The following WWC2 variants were observed in gnomAD, a reference collection of about 807,000 sequenced individuals.
The protein encoded by WWC2 is protein WWC2.
A neutral mutation model predicts 138.5 loss-of-function variants in WWC2; 101 were observed. The ratio of observed to expected loss-of-function variants is 0.73; its 90% confidence interval spans 0.62 to 0.86. WWC2 has a LOEUF of 0.86. WWC2 is among the 40% of genes least tolerant of loss of function. WWC2 has a pLI of 0.00. For missense variants in WWC2, 1,420 were observed against 1,419.4 expected (o/e 1.00, Z -0.01); for synonymous variants, 558 against 538.4 (o/e 1.04, Z -0.50).
intron 1 of WWC2, among the ~76,000 whole-genome samples, chr4:183,143,428 A>C (rs74689827): frequency 0.013 from 2,040 of 152,330 alleles, 43 homozygotes; most frequent in African/African-American, 0.045. Flanking sequence ...TGTCCTGTTA[A>C]GTATAGATGA....
At chr4:183,181,878 A>C (rs555020407) in intron 1 of WWC2, among the ~76,000 whole-genome samples, 1 of 152,302 alleles carries the variant, frequency 6.6e-6, no homozygotes, top group East Asian at 1.9e-4. Flanking sequence ...CTTTAATAAC[A>C]GTTCATCCTG....
chr4:183,208,186 G>A lies in WWC2; in HGVS notation c.445+30G>A, dbSNP rs147374895. ...GTACAGTGTGGCTATTCAGACTTTG[G>A]AAGTGGAGACTGAATTGTAGATAAC... is the stretch of plus-strand genomic sequence containing the variant. On this transcript the variant is annotated intron_variant, in intron 3 of 22. Coordinates refer to ENST00000403733, the MANE Select transcript of WWC2 (RefSeq NM_024949.6). 80 of 1,608,106 alleles carry A rather than the reference G, an allele frequency of 5.0e-5. No individual in the cohort carries two copies. In the African/African-American group the frequency reaches 1.0e-3, roughly 20 times the overall value.
At chr4:183,120,406 C>T (rs997069641) in intron 1 of WWC2, among the ~76,000 whole-genome samples, 2 of 152,126 alleles carry the variant, frequency 1.3e-5, no homozygotes, top group Non-Finnish European at 2.9e-5. Flanking sequence ...TTGATGCTGA[C>T]GTTTATGAAC....
At chr4:183,120,364 A>G (rs769025635) in intron 1 of WWC2, among the ~76,000 whole-genome samples, 2 of 152,200 alleles carry the variant, frequency 1.3e-5, no homozygotes, top group African/African-American at 4.8e-5. Flanking sequence ...CTCTACTGTG[A>G]TTATGTTAGG....
intron 1 of WWC2, among the ~76,000 whole-genome samples, chr4:183,144,619 G>T (rs1354121568): frequency 6.6e-6 from 1 of 152,156 alleles, no homozygotes; most frequent in Non-Finnish European, 1.5e-5. Flanking sequence ...GTCCATGGCT[G>T]CCAGGACTAA....
chr4:183,247,709 G>GTACTATATATACTATATACTACATATA (rs1560864910), intron 6 of WWC2, among the ~76,000 whole-genome samples: 7 of 119,152 alleles, frequency 5.9e-5, no homozygotes, highest in Admixed American at 1.7e-4. Flanking sequence ...TATACTATAT[G>GTACTATATATACTATATACTACATATA]TACTATATAT....
intron 1 of WWC2, among the ~76,000 whole-genome samples, chr4:183,187,154 A>G (rs1734829257): frequency 6.6e-6 from 1 of 151,876 alleles, no homozygotes; most frequent in Admixed American, 6.6e-5. Context: ...ATATCCCCCC[A>G]CTGCACACAG....
intron 6 of WWC2, among the ~76,000 whole-genome samples, chr4:183,247,153 T>C (rs968531867): frequency 6.6e-6 from 1 of 152,164 alleles, no homozygotes; most frequent in Non-Finnish European, 1.5e-5. Flanking sequence ...CACACAATTG[T>C]GTGTACCTAT....
chr4:183,224,515 C>G, intron 4 of WWC2, among the ~76,000 whole-genome samples: 1 of 152,076 alleles, frequency 6.6e-6, no homozygotes, highest in East Asian at 1.9e-4. Context: ...CTAGCACCTG[C>G]CAGAGATAAC....
intron 4 of WWC2, among the ~76,000 whole-genome samples, chr4:183,216,464 A>AT (rs1735760506): frequency 6.6e-6 from 1 of 152,232 alleles, no homozygotes; most frequent in Admixed American, 6.5e-5. Context: ...ATGTGGATAT[A>AT]TTTTAAAAGA....
intron 1 of WWC2, among the ~76,000 whole-genome samples, chr4:183,139,437 C>T (rs1268018906): frequency 6.6e-6 from 1 of 152,226 alleles, no homozygotes; most frequent in Admixed American, 6.5e-5. Flanking sequence ...AACTCCCCAT[C>T]TGTCCCCCAC....
intron 4 of WWC2, among the ~76,000 whole-genome samples, chr4:183,218,491 A>G (rs1469723787): frequency 6.6e-6 from 1 of 152,240 alleles, no homozygotes. Flanking sequence ...TTTTTGATAT[A>G]TATCTATATA....
chr4:183,307,055 G>T (rs1579075723), intron 21 of WWC2, among the ~76,000 whole-genome samples: 1 of 152,118 alleles, frequency 6.6e-6, no homozygotes, highest in East Asian at 1.9e-4. Context: ...ACAACAGATG[G>T]CACACTCTGC....
chr4:183,197,138 A>C (rs1311539740), intron 2 of WWC2, among the ~76,000 whole-genome samples: 1 of 152,226 alleles, frequency 6.6e-6, no homozygotes, highest in Non-Finnish European at 1.5e-5. Flanking sequence ...GTACATTTCA[A>C]GTATAAATTA....
At chr4:183,118,622 TA>T (rs547045359) in intron 1 of WWC2, among the ~76,000 whole-genome samples, 2 of 152,218 alleles carry the variant, frequency 1.3e-5, no homozygotes, top group African/African-American at 2.4e-5. Flanking sequence ...AACAGATTTT[TA>T]AAAAGTCATC....
At chr4:183,194,386 A>G (rs542226850) in intron 2 of WWC2, among the ~76,000 whole-genome samples, 1 of 152,322 alleles carries the variant, frequency 6.6e-6, no homozygotes, top group Admixed American at 6.5e-5. Flanking sequence ...ATGAATATCT[A>G]GCACTCTATC....
At chr4:183,133,023 CT>C (rs1403277248) in intron 1 of WWC2, among the ~76,000 whole-genome samples, 6 of 148,622 alleles carry the variant, frequency 4.0e-5, no homozygotes, top group African/African-American at 1.6e-4. Context: ...TTTCCCTTCC[CT>C]TTTTTTCCTT....
intron 1 of WWC2, among the ~76,000 whole-genome samples, chr4:183,109,168 A>C (rs2152887169): frequency 6.6e-6 from 1 of 152,370 alleles, no homozygotes; most frequent in South Asian, 2.1e-4. Flanking sequence ...CCTCCAGCTA[A>C]GAATGGGTTT....
chr4:183,211,542 C>T lies in WWC2; in HGVS notation c.522+2517C>T, dbSNP rs1250399638. Among the ~76,000 whole-genome samples the T allele has an allele frequency of 5.9e-5, 9 of 152,184 alleles. No individual in the cohort carries two copies. The South Asian group carries it at 6.2e-4, about 11-fold the overall frequency. On this transcript the variant is annotated intron_variant, in intron 4 of 22. Coordinates refer to ENST00000403733, the MANE Select transcript of WWC2 (RefSeq NM_024949.6). ...CTGGGCTTCAGTCCTTCTCTAAGGG[C>T]GGGTCAATTTCCAGTTTCCCTTTTC...
Sources: allele counts gnomAD v4.1 joint callset (sites outside exome capture counted in the v4.1 genomes callset), GRCh38; gene constraint gnomAD v4.1.1; transcripts MANE v1.5; gene names NCBI Gene and HGNC (gene_info 2026-07-23, HGNC 2026-07-21).